Variants in GLIS3 observed in about 807,000 individuals in gnomAD.
The protein encoded by GLIS3 is zinc finger protein GLIS3.
A neutral mutation model predicts 78.6 loss-of-function variants in GLIS3; 53 were observed. That is an observed-to-expected ratio of 0.67 (90% CI 0.54 to 0.85). The LOEUF (loss-of-function observed/expected upper bound fraction) is 0.85, where lower values mean the gene tolerates loss of function less well. Among genes scored for constraint, GLIS3 ranks in the 40% least tolerant of loss-of-function variants. The probability of loss-of-function intolerance (pLI) is 0.00; values close to 1 mark genes in which losing one functional copy is unlikely to be tolerated. For missense variants in GLIS3, 1,703 were observed against 1,231.1 expected (o/e 1.38, Z -5.74); for synonymous variants, 684 against 509.9 (o/e 1.34, Z -4.60).
chr9:4,317,844 C>A (rs1000085620), intron 2 of GLIS3, among the ~76,000 whole-genome samples: 1 of 152,152 alleles, frequency 6.6e-6, no homozygotes, highest in African/African-American at 2.4e-5. Flanking sequence ...TAAAAGAGTA[C>A]TCTGTAAACT....
intron 2 of GLIS3, among the ~76,000 whole-genome samples, chr9:4,254,972 T>G (rs890280827): frequency 1.3e-5 from 2 of 152,190 alleles, no homozygotes; most frequent in East Asian, 1.9e-4. Context: ...TTATTTGTAG[T>G]ATATTTAAAT....
chr9:4,063,870 C>T (rs557314875), intron 4 of GLIS3, among the ~76,000 whole-genome samples: 4 of 152,194 alleles, frequency 2.6e-5, no homozygotes, highest in East Asian at 1.9e-4. Context: ...ATTCAGTGTA[C>T]GTGTGTGAGT....
chr9:4,186,457 A>C (rs1314257304), intron 2 of GLIS3, among the ~76,000 whole-genome samples: 1 of 151,930 alleles, frequency 6.6e-6, no homozygotes. Context: ...CACAATAAAC[A>C]TATGTGTGCA....
chr9:3,884,992 C>T (rs1449198117), intron 7 of GLIS3, among the ~76,000 whole-genome samples: 1 of 152,198 alleles, frequency 6.6e-6, no homozygotes, highest in Non-Finnish European at 1.5e-5. Flanking sequence ...AGCCATCAAA[C>T]TGTGGGTTAG....
At chr9:4,263,055 C>T (rs7028616) in intron 2 of GLIS3, among the ~76,000 whole-genome samples, 92,834 of 152,026 alleles carry the variant, frequency 0.61, 28,379 homozygotes, top group Admixed American at 0.68. Flanking sequence ...TGCAACCAAT[C>T]AGGAGTATCC....
intron 4 of GLIS3, among the ~76,000 whole-genome samples, chr9:4,024,321 G>A (rs1411067402): frequency 2.6e-5 from 4 of 152,146 alleles, no homozygotes; most frequent in East Asian, 3.9e-4. Flanking sequence ...CTGCAAATAC[G>A]GCTGTCATCA....
At chr9:3,854,793 C>T (rs865782537) in intron 9 of GLIS3, among the ~76,000 whole-genome samples, 10 of 152,054 alleles carry the variant, frequency 6.6e-5, no homozygotes, top group South Asian at 6.2e-4. Flanking sequence ...ATCCACCCGC[C>T]TCGGCCTCCC....
chr9:4,265,746 C>A (rs1210320331), intron 2 of GLIS3, among the ~76,000 whole-genome samples: 2 of 152,200 alleles, frequency 1.3e-5, no homozygotes. Flanking sequence ...TCAAATGGAA[C>A]TTCTGTCGTG....
intron 4 of GLIS3, among the ~76,000 whole-genome samples, chr9:4,076,686 A>T (rs1828086982): frequency 6.6e-6 from 1 of 152,200 alleles, no homozygotes; most frequent in South Asian, 2.1e-4. Context: ...TGTACTAAAA[A>T]ATGAATGTTT....
At chr9:4,233,045 T>G (rs1022708561) in intron 2 of GLIS3, among the ~76,000 whole-genome samples, 4 of 152,210 alleles carry the variant, frequency 2.6e-5, no homozygotes, top group Non-Finnish European at 2.9e-5. Context: ...ATGCTTATAT[T>G]AATAAGGAGG....
intron 10 of GLIS3, among the ~76,000 whole-genome samples, chr9:3,828,908 C>G (rs954762904): frequency 6.6e-6 from 1 of 152,106 alleles, no homozygotes; most frequent in African/African-American, 2.4e-5. Flanking sequence ...GCTTTGAATG[C>G]CATGCTGGAG....
intron 4 of GLIS3, among the ~76,000 whole-genome samples, chr9:4,070,631 G>A (rs575698920): frequency 6.6e-6 from 1 of 152,138 alleles, no homozygotes; most frequent in South Asian, 2.1e-4. Context: ...TATGTAAGCT[G>A]TACATATTTC....
chr9:4,106,071 T>A (rs1389341217), intron 4 of GLIS3, among the ~76,000 whole-genome samples: 1 of 152,176 alleles, frequency 6.6e-6, no homozygotes, highest in Non-Finnish European at 1.5e-5. Context: ...ACCTGTCCCA[T>A]TGTCACACCT....
chr9:4,103,940 C>T (rs1830564857), intron 4 of GLIS3, among the ~76,000 whole-genome samples: 1 of 152,082 alleles, frequency 6.6e-6, no homozygotes, highest in Admixed American at 6.6e-5. Context: ...CACAGCAACG[C>T]AAGACTAAGG....
chr9:4,064,172 G>A (rs960925988), intron 4 of GLIS3, among the ~76,000 whole-genome samples: 1 of 151,998 alleles, frequency 6.6e-6, no homozygotes, highest in Non-Finnish European at 1.5e-5. Context: ...TAATTATGCT[G>A]AGAAAACCTA....
chr9:4,054,839 C>A (rs962954447), intron 4 of GLIS3, among the ~76,000 whole-genome samples: 2 of 151,938 alleles, frequency 1.3e-5, no homozygotes, highest in African/African-American at 4.8e-5. Flanking sequence ...CCACATTTTG[C>A]CCCTTGAGAT....
intron 2 of GLIS3, among the ~76,000 whole-genome samples, chr9:4,168,842 G>C (rs1366126184): frequency 2.0e-5 from 3 of 152,114 alleles, no homozygotes; most frequent in South Asian, 2.1e-4. Context: ...AGAAGCCTTG[G>C]TCCCTCGTTA....
chr9:4,368,555 G>A, the GLIS3 span, among the ~76,000 whole-genome samples: 1 of 152,172 alleles, frequency 6.6e-6, no homozygotes, highest in African/African-American at 2.4e-5. Context: ...GTTTCACCGT[G>A]TTAGCCAGGA....
chr9:4,057,676 T>C lies in GLIS3; in HGVS notation c.1710+60092A>G, dbSNP rs187385026. 1.2e-3 allele frequency among the ~76,000 whole-genome samples: 175 copies of C among 151,434 alleles called. 1 individual carries two copies. Among genetic ancestry groups the C allele is most frequent in the African/African-American group, 3.8e-3 (158 of 41,392 alleles). Reference sequence around the variant, plus strand: ...AAATAAAAAAGAAAGAAAGGTCAGATCGACTTCCTAGAGAACAGAAGAATG... The same window carrying C: ...AAATAAAAAAGAAAGAAAGGTCAGACCGACTTCCTAGAGAACAGAAGAATG... On this transcript the variant is annotated intron_variant, in intron 4 of 10. Transcript: ENST00000381971.
Sources: allele counts gnomAD v4.1 joint callset (sites outside exome capture counted in the v4.1 genomes callset), GRCh38; gene constraint gnomAD v4.1.1; transcripts MANE v1.5; gene names NCBI Gene and HGNC (gene_info 2026-07-23, HGNC 2026-07-21).